Variants in PDIA4 observed in about 807,000 individuals in gnomAD.
PDIA4 encodes the protein protein disulfide isomerase family A member 4.
A neutral mutation model predicts 62.1 loss-of-function variants in PDIA4; 33 were observed. The observed-to-expected ratio is 0.53, with a 90% CI of 0.40 to 0.71. PDIA4 has a LOEUF of 0.71. PDIA4 is among the 30% of genes least tolerant of loss of function. PDIA4 has a pLI of 0.00. For missense variants in PDIA4, 804 were observed against 813.6 expected, an observed-to-expected ratio of 0.99 and a Z score of 0.14; for synonymous variants, 341 against 324.1, an observed-to-expected ratio of 1.05 and a Z score of -0.56.
At chr7:149,027,571 T>C (rs1321094468) in intron 1 of PDIA4, among the ~76,000 whole-genome samples, 6 of 152,236 alleles carry the variant, frequency 3.9e-5, no homozygotes, top group Admixed American at 3.9e-4. Context: ...TTTTCCTTAA[T>C]TAGCACTTCC....
At chr7:149,010,241 T>C in intron 6 of PDIA4, among the ~76,000 whole-genome samples, 1 of 152,200 alleles carries the variant, frequency 6.6e-6, no homozygotes, top group Non-Finnish European at 1.5e-5. Context: ...GGTTCATGTC[T>C]GTAATCCCAG....
At chr7:149,025,154 T>C (rs1449898619) in intron 1 of PDIA4, among the ~76,000 whole-genome samples, 4 of 150,446 alleles carry the variant, frequency 2.7e-5, no homozygotes, top group Non-Finnish European at 5.9e-5. Context: ...GCAACCTTCC[T>C]CAGCATGAGA....
intron 1 of PDIA4, among the ~76,000 whole-genome samples, chr7:149,025,967 G>A (rs992854865): frequency 1.3e-5 from 2 of 152,144 alleles, no homozygotes; most frequent in Admixed American, 1.3e-4. Context: ...GGAAAGCCCT[G>A]CAACCGGAGG....
Position 149,028,392 on chromosome 7 carries a change from G to C in PDIA4, c.17C>G (p.Ala6Gly). The C allele has an allele frequency of 6.6e-7, 1 of 1,520,358 alleles. No homozygotes were observed. The highest frequency in any genetic ancestry group is 8.8e-7 in the Non-Finnish European group (1 of 1,134,750). 94.2% of individuals were successfully genotyped at this position (1,520,358 alleles called of 1,614,324 possible). A position where few individuals can be genotyped will look rare whatever the true frequency, so the allele number is the denominator to read the frequency against. Residue 6 changes from alanine (A) to glycine (G), a missense_variant, in exon 1 of 10, where the codon GCC (alanine) becomes GGC (glycine). Transcript: ENST00000652332. MRPRK[A>G]FLLLLLLGLV... is the part of the protein sequence containing the mutation. The stretch of plus-strand genomic sequence containing the variant: ...CCCCAAGAGCAGCAGGAGCAGGAAG[G>C]CTTTCCGGGGCCTCATGGTAGCGGG...
intron 3 of PDIA4, among the ~76,000 whole-genome samples, chr7:149,017,259 C>A (rs192352464): frequency 3.4e-3 from 509 of 151,632 alleles, no homozygotes; most frequent in Non-Finnish European, 5.3e-3. Flanking sequence ...CTAAAGGATA[C>A]CATGTTCATT....
At position 149,026,800 on chromosome 7, in the gene PDIA4, G is replaced by GAA. The variant is rs71529658; in HGVS notation, c.88+1519_88+1520dup. 9.2e-3 allele frequency among the ~76,000 whole-genome samples: 1,157 copies of GAA among 125,474 alleles called. 10 individuals are homozygous for GAA. The highest frequency in any genetic ancestry group is 0.059 in the Middle Eastern group (15 of 256). 82.3% of individuals were successfully genotyped at this position (125,474 alleles called of 152,430 possible). A position where few individuals can be genotyped will look rare whatever the true frequency, so the allele number is the denominator to read the frequency against. ...GGCAACAATGCGTAACCTTATCTAG[G>GAA]AAAAAAAAAAAAAAAAACGGAGCTA... On this transcript the variant is annotated intron_variant, in intron 1 of 9. Coordinates refer to ENST00000652332, the MANE Select transcript of PDIA4 (RefSeq NM_004911.5).
At chr7:149,008,430 G>T (rs1180365406) in intron 6 of PDIA4, 120 bp from the exon 7 acceptor site, 25 of 1,007,662 alleles carry the variant, frequency 2.5e-5, no homozygotes, top group Non-Finnish European at 3.5e-5. Flanking sequence ...GCTGGGCGCG[G>T]TGGCTCACGC....
chr7:149,004,220 A>C lies in PDIA4; in HGVS notation c.1523-11T>G. 5 of 1,607,542 alleles carry C rather than the reference A, an allele frequency of 3.1e-6. No homozygotes were observed. Among genetic ancestry groups the C allele is most frequent in the Non-Finnish European group, 4.3e-6 (5 of 1,175,968 alleles). ...CTGGCTTCAGTTTTCCTGCCAAGGA[A>C]AGCAAGGCGGGAGGGGGCGTCAGTG... On this transcript the variant is annotated splice_polypyrimidine_tract_variant and intron_variant, in intron 9 of 9. Coordinates refer to ENST00000652332, the MANE Select transcript of PDIA4 (RefSeq NM_004911.5).
At chr7:149,010,515 C>T (rs1386380606) in intron 6 of PDIA4, among the ~76,000 whole-genome samples, 3 of 152,210 alleles carry the variant, frequency 2.0e-5, no homozygotes, top group Non-Finnish European at 2.9e-5. Context: ...AATAAGGCTA[C>T]AGCTATCTAG....
chr7:149,011,816 T>C (rs1458648009), intron 6 of PDIA4, 30 bp downstream of exon 6: 1 of 1,509,010 alleles, frequency 6.6e-7, no homozygotes, highest in Non-Finnish European at 8.9e-7. Context: ...GGCACGCACA[T>C]TTTGTTCAGC....
chr7:149,024,814 TAAAAAAAAAA>T (rs539798193), intron 1 of PDIA4, among the ~76,000 whole-genome samples: 17 of 89,384 alleles, frequency 1.9e-4, no homozygotes, highest in Middle Eastern at 7.5e-3. Context: ...GACTGTCATT[TAAAAAAAAAA>T]AAAAAAAAAA....
chr7:149,021,488 C>CAAA (rs34989074), intron 1 of PDIA4, among the ~76,000 whole-genome samples: 107 of 64,838 alleles, frequency 1.7e-3, no homozygotes, highest in African/African-American at 2.6e-3. Flanking sequence ...CACTTCATCT[C>CAAA]AAAAAAAAAA....
rs1228888575 is a variant in PDIA4, at chr7:149,011,980, T to C, written c.845A>G (p.Gln282Arg). ...AATCTCCTTGGAGGGAGGCCCGGAC[T>C]GCTCGATCATGTAATCAACGATTCC... ...KYGIVDYMIE[Q>R]SGPPSKEILT... The change falls in exon 6 of 10, where the codon CAG (glutamine) becomes CGG (arginine). Residue 282 changes from glutamine to arginine, a missense_variant. Coordinates refer to ENST00000652332, the MANE Select transcript of PDIA4 (RefSeq NM_004911.5). 1.3e-6 allele frequency: 2 copies of C among 1,597,392 alleles called. No individual in the cohort carries two copies. Among genetic ancestry groups the C allele is most frequent in the Non-Finnish European group, 1.7e-6 (2 of 1,171,070 alleles).
At chr7:149,026,980 A>G (rs1439789860) in intron 1 of PDIA4, among the ~76,000 whole-genome samples, 1 of 152,088 alleles carries the variant, frequency 6.6e-6, no homozygotes, top group Non-Finnish European at 1.5e-5. Flanking sequence ...CCACTCTCCC[A>G]GGCCTCTCAA....
chr7:149,019,025 C>T lies in PDIA4; in HGVS notation c.442G>A (p.Ala148Thr), dbSNP rs547297224. 5 of 1,613,708 alleles carry T rather than the reference C, an allele frequency of 3.1e-6. No individual in the cohort carries two copies. The South Asian group carries it at 4.4e-5, about 14-fold the overall frequency. The change falls in exon 3 of 10, where the codon GCT becomes ACT. Residue 148 changes from alanine (A) to threonine (T), a missense_variant. Ala to Thr is a moderately conservative substitution (Grantham distance 58). Transcript: ENST00000652332. ...PTIKILKKGQAVDYEGSRTQE... is the reference protein window; with the variant it reads ...PTIKILKKGQTVDYEGSRTQE... ...GTTCTGGAGCCCTCGTAGTCTACAG[C>T]CTGCCCCTTCTTAAGGATCTTGATG...
rs1823602988 is a variant in PDIA4, at chr7:149,003,225, AC to A, written c.*568del. On this transcript the variant is annotated 3_prime_UTR_variant, in exon 10 of 10. Coordinates refer to ENST00000652332, the MANE Select transcript of PDIA4 (RefSeq NM_004911.5). ...GTGGCCTCTCCCTGGAGCTGAGCCC[AC>A]CCTGGGGGACCCTGGATCATGCCCC... is the stretch of plus-strand genomic sequence containing the variant. The A allele has an allele frequency of 6.2e-6, 1 of 160,806 alleles. No homozygotes were observed. Among genetic ancestry groups the A allele is most frequent in the Non-Finnish European group, 1.5e-5 (1 of 68,292 alleles). 10.0% of individuals were successfully genotyped at this position (160,806 alleles called of 1,614,324 possible).
intron 6 of PDIA4, among the ~76,000 whole-genome samples, chr7:149,010,126 G>C (rs1183829805): frequency 6.6e-6 from 1 of 152,138 alleles, no homozygotes; most frequent in East Asian, 1.9e-4. Flanking sequence ...TACTAACTGC[G>C]TAGCTTTAGA....
In PDIA4 at chr7:149,011,741, C is replaced by G. The variant is rs1214992668; in HGVS notation, c.979+105G>C. The G allele has an allele frequency of 1.5e-5, 14 of 941,124 alleles. No individual in the cohort carries two copies. In the East Asian group the frequency reaches 3.4e-4, roughly 23 times the overall value. The allele number at this position is 941,124 out of a possible 1,614,324, so 58.3% of individuals were successfully genotyped here. On this transcript the variant is annotated intron_variant, in intron 6 of 9. Coordinates refer to ENST00000652332, the MANE Select transcript of PDIA4 (RefSeq NM_004911.5). ...AAGCTTATTCCCAGAGATGGCTCATCAAACCACCCCCTAATGGATGTCCCA... is the reference window on the plus strand; with the variant it reads ...AAGCTTATTCCCAGAGATGGCTCATGAAACCACCCCCTAATGGATGTCCCA...
intron 1 of PDIA4, among the ~76,000 whole-genome samples, chr7:149,025,770 G>A (rs1824529464): frequency 6.6e-6 from 1 of 152,174 alleles, no homozygotes; most frequent in South Asian, 2.1e-4. Flanking sequence ...AAATAATTAT[G>A]TCTCAGGAAT....
Sources: gnomAD v4.1 joint callset for allele counts (sites outside exome capture counted in the v4.1 genomes callset) on GRCh38, gnomAD v4.1.1 for gene constraint, MANE v1.5 for transcripts, NCBI Gene and HGNC (gene_info 2026-07-23, HGNC 2026-07-21) for gene names.